Variants in UBLCP1 observed in about 807,000 individuals in gnomAD.
UBLCP1 encodes the protein ubiquitin like domain containing CTD phosphatase 1, also known as ubiquitin-like domain-containing CTD phosphatase 1.
A neutral mutation model predicts 42.4 loss-of-function variants in UBLCP1; 28 were observed. That is an observed-to-expected ratio of 0.66 (90% CI 0.49 to 0.90). UBLCP1 has a LOEUF of 0.90. UBLCP1 is among the 40% of genes least tolerant of loss of function. The pLI, the probability that UBLCP1 is intolerant of heterozygous loss-of-function variation, is 0.00. For synonymous variants in UBLCP1, 122 were observed against 120.8 expected (o/e 1.01, Z -0.07); for missense variants, 279 against 374.5 (o/e 0.75, Z 2.10).
In UBLCP1 at chr5:159,270,583, T is replaced by C. The variant is rs1384972499; in HGVS notation, c.388T>C (p.Leu130=). 2 of 1,611,776 alleles carry C rather than the reference T, an allele frequency of 1.2e-6. No homozygotes were observed. The highest frequency in any genetic ancestry group is 1.1e-5 in the South Asian group (1 of 90,442). ...RRVKEYKVEI[L]NPPREGKKLL... is the part of the protein sequence containing the mutation. Reference sequence around the variant, plus strand: ...AGTGAAAGAGTACAAAGTGGAAATTTTGAATCCTCCCAGGGAAGGGAAAAA... The same window carrying C: ...AGTGAAAGAGTACAAAGTGGAAATTCTGAATCCTCCCAGGGAAGGGAAAAA... Residue 130 remains leucine (L), a synonymous_variant, in exon 5 of 11, where the codon TTG becomes CTG. Transcript: ENST00000296786.
chr5:159,263,944 C>T (rs1167850850), intron 1 of UBLCP1, among the ~76,000 whole-genome samples: 2 of 152,148 alleles, frequency 1.3e-5, no homozygotes, highest in African/African-American at 4.8e-5. Context: ...TCAGGATTCT[C>T]ATTTGTATAA....
chr5:159,275,943 A>G (rs1315891663), intron 8 of UBLCP1, among the ~76,000 whole-genome samples: 2 of 152,206 alleles, frequency 1.3e-5, no homozygotes, highest in Admixed American at 6.5e-5. Context: ...ATCATGATGC[A>G]TGTACTTTGG....
chr5:159,285,664 T>C lies in UBLCP1; in HGVS notation c.*733T>C, dbSNP rs1022895183. The C allele has an allele frequency of 7.9e-5, 12 of 152,292 alleles. 1 individual carries two copies. The highest frequency in any genetic ancestry group is 2.0e-4 in the Admixed American group (3 of 15,280). 9.4% of individuals were successfully genotyped at this position (152,292 alleles called of 1,614,324 possible). On this transcript the variant is annotated 3_prime_UTR_variant, in exon 11 of 11. Transcript: ENST00000296786. ...ACTAAGGAACAAGAATGAGTCTCTT[T>C]TTGGTGGCTAAGTAGAATCTTCCTA...
Position 159,283,353 on chromosome 5 carries a change from G to A in UBLCP1, c.929+14G>A. On this transcript the variant is annotated intron_variant, in intron 10 of 10. Transcript: ENST00000296786. Reference sequence around the variant, plus strand: ...ATATTGGGAAAGGTAAGTTTTAATTGCTTATTTATTTTCTCTTTACATCAA... The same window carrying A: ...ATATTGGGAAAGGTAAGTTTTAATTACTTATTTATTTTCTCTTTACATCAA... 5 of 1,559,846 alleles carry A rather than the reference G, an allele frequency of 3.2e-6. No individual in the cohort carries two copies. Among genetic ancestry groups the A allele is most frequent in the Non-Finnish European group, 3.5e-6 (4 of 1,154,632 alleles).
intron 6 of UBLCP1, chr5:159,274,240 CCAGGCACCCAAGTTTAAGTTTGG>C (rs1454819670): frequency 2.7e-5 from 5 of 184,684 alleles, no homozygotes; most frequent in Non-Finnish European, 5.6e-5. Flanking sequence ...AAAAAGTGAT[CCAGGCACCCAAGTTTAAGTTTGG>C]AATTGATAGA....
At chr5:159,281,264 C>T (rs1421772050) in intron 9 of UBLCP1, among the ~76,000 whole-genome samples, 4 of 152,272 alleles carry the variant, frequency 2.6e-5, no homozygotes, top group African/African-American at 7.2e-5. Flanking sequence ...CACTTTGGTA[C>T]ATTATATATT....
At chr5:159,266,625 A>T (rs1485024405) in intron 1 of UBLCP1, among the ~76,000 whole-genome samples, 1 of 152,250 alleles carries the variant, frequency 6.6e-6, no homozygotes, top group Non-Finnish European at 1.5e-5. Context: ...GCTATGTCAA[A>T]GACCTTCATG....
At chr5:159,278,938 CCAAAGTGA>C (rs1753572624) in intron 9 of UBLCP1, among the ~76,000 whole-genome samples, 1 of 152,128 alleles carries the variant, frequency 6.6e-6, no homozygotes, top group Non-Finnish European at 1.5e-5. Context: ...CTTTTAGCAT[CCAAAGTGA>C]AATCATTAGT....
intron 1 of UBLCP1, among the ~76,000 whole-genome samples, chr5:159,268,125 A>G (rs192426473): frequency 2.5e-4 from 38 of 152,350 alleles, no homozygotes; most frequent in Non-Finnish European, 4.4e-4. Flanking sequence ...AAAGAGGGAA[A>G]ACTTACCAAA....
At chr5:159,275,044 G>T in intron 7 of UBLCP1, 104 bp from the exon 8 acceptor site, 1 of 902,102 alleles carries the variant, frequency 1.1e-6, no homozygotes, top group East Asian at 2.5e-5. Context: ...AGTGGCCAGT[G>T]GTGTAGAAAG....
At position 159,272,085 on chromosome 5, in the gene UBLCP1, A is replaced by G; in HGVS notation, c.511A>G (p.Thr171Ala). 1.9e-6 allele frequency: 3 copies of G among 1,613,456 alleles called. No homozygotes were observed. The highest frequency in any genetic ancestry group is 8.5e-7 in the Non-Finnish European group (1 of 1,179,778). The change falls in exon 6 of 11, where the codon ACA (threonine) becomes GCA (alanine). Residue 171 changes from threonine (T) to alanine (A), a missense_variant. Transcript: ENST00000296786. ...LMRPYLHEFLTSAYEDYDIVI... is the reference protein window; with the variant it reads ...LMRPYLHEFLASAYEDYDIVI... ...GCGGCCATATCTTCATGAATTTCTA[A>G]CATCTGCCTATGAAGATTATGACAT...
At chr5:159,273,178 A>G (rs1294692007) in intron 6 of UBLCP1, among the ~76,000 whole-genome samples, 1 of 152,234 alleles carries the variant, frequency 6.6e-6, no homozygotes, top group Non-Finnish European at 1.5e-5. Flanking sequence ...GTCAAAATAT[A>G]TAATTTTCTG....
At chr5:159,280,465 G>C (rs919272435) in intron 9 of UBLCP1, among the ~76,000 whole-genome samples, 1 of 152,078 alleles carries the variant, frequency 6.6e-6, no homozygotes, top group Non-Finnish European at 1.5e-5. Flanking sequence ...ACCACACCTG[G>C]CTAATTTTTG....
At chr5:159,276,519 C>G (rs1473456380) in intron 8 of UBLCP1, among the ~76,000 whole-genome samples, 1 of 151,958 alleles carries the variant, frequency 6.6e-6, no homozygotes, top group African/African-American at 2.4e-5. Context: ...TTAAAAATTA[C>G]TTAGGGAAAT....
In UBLCP1 at chr5:159,274,620, A is replaced by G. The variant is rs753320474; in HGVS notation, c.583A>G (p.Lys195Glu). The G allele has an allele frequency of 4.3e-6, 7 of 1,611,244 alleles. No homozygotes were observed. The highest frequency in any genetic ancestry group is 5.9e-6 in the Non-Finnish European group (7 of 1,178,342). Residue 195 changes from lysine to glutamate, a missense_variant and splice_region_variant, in exon 7 of 11, where the codon AAA becomes GAA. Coordinates refer to ENST00000296786, the MANE Select transcript of UBLCP1 (RefSeq NM_145049.5). ...TNMKWIEAKM[K>E]ELGVSTNANY... Reference sequence around the variant, plus strand: ...TATGAAGTGGATTGAAGCTAAAATGAAAGTAAGTGTTAGAAAGCAATCCAT... The same window carrying G: ...TATGAAGTGGATTGAAGCTAAAATGGAAGTAAGTGTTAGAAAGCAATCCAT...
chr5:159,283,766 G>A (rs896451862), intron 10 of UBLCP1, among the ~76,000 whole-genome samples: 5 of 152,046 alleles, frequency 3.3e-5, no homozygotes, highest in Admixed American at 3.3e-4. Context: ...CTTGAGTGTA[G>A]CAGAGAAATT....
At chr5:159,265,680 T>G (rs936018717) in intron 1 of UBLCP1, among the ~76,000 whole-genome samples, 3 of 152,188 alleles carry the variant, frequency 2.0e-5, no homozygotes, top group Non-Finnish European at 4.4e-5. Flanking sequence ...TCTCATGAGA[T>G]CTGATGGATT....
At chr5:159,278,813 T>C (rs947271756) in intron 9 of UBLCP1, among the ~76,000 whole-genome samples, 3 of 152,104 alleles carry the variant, frequency 2.0e-5, no homozygotes, top group Non-Finnish European at 4.4e-5. Flanking sequence ...CCTCGTGATC[T>C]GCCCACCTCG....
chr5:159,274,492 T>TG (rs1753509881), intron 6 of UBLCP1, 93 bp from the exon 7 acceptor site: 1 of 1,075,156 alleles, frequency 9.3e-7, no homozygotes, highest in South Asian at 1.5e-5. Flanking sequence ...CATTTAAACT[T>TG]TTAGTTTTGC....
Sources: allele counts gnomAD v4.1 joint callset (sites outside exome capture counted in the v4.1 genomes callset), GRCh38; gene constraint gnomAD v4.1.1; transcripts MANE v1.5; gene names NCBI Gene and HGNC (gene_info 2026-07-23, HGNC 2026-07-21).